The following CACNA1B variants were observed in gnomAD, a reference collection of about 807,000 sequenced individuals.
The protein encoded by CACNA1B is voltage-dependent N-type calcium channel subunit alpha-1B.
Under a neutral mutation model 247.2 loss-of-function variants are expected in CACNA1B, and 70 were observed. The observed-to-expected ratio is 0.28, with a 90% CI of 0.23 to 0.35. The LOEUF (loss-of-function observed/expected upper bound fraction) is 0.35, where lower values mean the gene tolerates loss of function less well. Ranked by LOEUF, CACNA1B falls within the 10% of genes least tolerant of loss-of-function variation. The pLI, the probability that CACNA1B is intolerant of heterozygous loss-of-function variation, is 1.00. For synonymous variants in CACNA1B, 1,231 were observed against 1,294.4 expected, an observed-to-expected ratio of 0.95 and a Z score of 1.05; for missense variants, 2,367 against 3,197.4, an observed-to-expected ratio of 0.74 and a Z score of 6.26.
At chr9:138,002,801 T>C (rs1437930882) in intron 15 of CACNA1B, among the ~76,000 whole-genome samples, 2 of 152,024 alleles carry the variant, frequency 1.3e-5, no homozygotes, top group African/African-American at 2.4e-5. Context: ...TTTTTTCTTT[T>C]CTTTTCTTTT....
chr9:137,901,772 C>T (rs1311732087), intron 3 of CACNA1B, among the ~76,000 whole-genome samples: 1 of 149,958 alleles, frequency 6.7e-6, no homozygotes, highest in Non-Finnish European at 1.5e-5. Context: ...TCACTGCAAC[C>T]TCAACCTCCA....
chr9:137,979,386 A>G (rs1360417128), intron 12 of CACNA1B, among the ~76,000 whole-genome samples: 4 of 152,148 alleles, frequency 2.6e-5, no homozygotes, highest in Non-Finnish European at 5.9e-5. Context: ...GAGTGTCCTC[A>G]GCTGTGGTCT....
chr9:137,960,416 GGAGGT>G (rs1958004302), intron 10 of CACNA1B, among the ~76,000 whole-genome samples: 1 of 10,438 alleles, frequency 9.6e-5, no homozygotes, highest in Admixed American at 1.1e-3. Flanking sequence ...GAGGGGGAGG[GGAGGT>G]CAGCCTGAGA....
At chr9:138,021,211 G>T (rs1005150374) in intron 18 of CACNA1B, among the ~76,000 whole-genome samples, 3 of 152,220 alleles carry the variant, frequency 2.0e-5, no homozygotes, top group African/African-American at 7.2e-5. Context: ...ACCCCTGGGA[G>T]CAGGGGCAGC....
chr9:138,088,059 T>C (rs1318539220), intron 36 of CACNA1B, among the ~76,000 whole-genome samples: 1 of 151,806 alleles, frequency 6.6e-6, no homozygotes, highest in South Asian at 2.1e-4. Context: ...GATGAAAACA[T>C]TACAAAAGAT....
At chr9:137,962,300 A>G (rs1298438386) in intron 10 of CACNA1B, among the ~76,000 whole-genome samples, 1 of 134,124 alleles carries the variant, frequency 7.5e-6, no homozygotes, top group Non-Finnish European at 1.6e-5. Flanking sequence ...CTAGTGGTCT[A>G]TCTATTTTAT....
chr9:138,024,113 T>G (rs987971128), intron 19 of CACNA1B, among the ~76,000 whole-genome samples: 1 of 152,172 alleles, frequency 6.6e-6, no homozygotes, highest in Non-Finnish European at 1.5e-5. Flanking sequence ...TAAGGGGGAA[T>G]TGTTGCGACT....
intron 20 of CACNA1B, among the ~76,000 whole-genome samples, chr9:138,031,507 C>T (rs571703944): frequency 4.7e-4 from 72 of 152,260 alleles, no homozygotes; most frequent in African/African-American, 1.7e-3. Context: ...TTCCTATAAG[C>T]ATTGTTTAGA....
chr9:138,049,460 C>T, intron 24 of CACNA1B, 145 bp downstream of exon 24: 3 of 674,186 alleles, frequency 4.4e-6, no homozygotes, highest in Non-Finnish European at 8.1e-6. Flanking sequence ...ACTGTCCCTG[C>T]CTGCTTGGGG....
chr9:138,107,168 C>A (rs1246947730), intron 39 of CACNA1B, among the ~76,000 whole-genome samples: 1 of 152,104 alleles, frequency 6.6e-6, no homozygotes, highest in Admixed American at 6.5e-5. Flanking sequence ...TCCCCCACAG[C>A]CTTCCCTATC....
chr9:137,900,921 T>A (rs1208457576), intron 3 of CACNA1B, among the ~76,000 whole-genome samples: 1 of 148,734 alleles, frequency 6.7e-6, no homozygotes, highest in Non-Finnish European at 1.5e-5. Flanking sequence ...TCTGTGTCTG[T>A]GCCATGGTGT....
Position 137,954,749 on chromosome 9 carries a change from C to T in CACNA1B, c.1071-949C>T, listed in dbSNP as rs1231410449. 6.6e-6 allele frequency among the ~76,000 whole-genome samples: 1 copy of T among 152,100 alleles called. No homozygotes were observed. Among genetic ancestry groups the T allele is most frequent in the Non-Finnish European group, 1.5e-5 (1 of 68,014 alleles). ...GTAGCAGCTCAGTGCCTAGCGGACACTGGCCCTGCGCCCAGGGTCAGTCAC... is the reference window on the plus strand; with the variant it reads ...GTAGCAGCTCAGTGCCTAGCGGACATTGGCCCTGCGCCCAGGGTCAGTCAC... On this transcript the variant is annotated intron_variant, in intron 7 of 46. Coordinates refer to ENST00000371372, the MANE Select transcript of CACNA1B (RefSeq NM_000718.4). This position sits in a 1 kb window ranked among gnomAD's most constrained non-coding sequence, Gnocchi z 4.1.
rs200896909 is a variant in CACNA1B at position 137,882,726 on chromosome 9, G to A, written c.391-18G>A. The A allele has an allele frequency of 1.0e-4, 163 of 1,613,690 alleles. No homozygotes were observed. Among genetic ancestry groups the A allele is most frequent in the Non-Finnish European group, 1.3e-4 (157 of 1,179,772 alleles). Reference sequence around the variant, plus strand: ...CGGGTAGGGGCCAGGGGTGACCACTGTTCTGCGCTTCTCCTAGGACGACAC... The same window carrying A: ...CGGGTAGGGGCCAGGGGTGACCACTATTCTGCGCTTCTCCTAGGACGACAC... On this transcript the variant is annotated intron_variant, in intron 2 of 46. Transcript: ENST00000371372. The surrounding 1 kb of genome is among the most constrained non-coding windows in gnomAD (Gnocchi z 4.0).
At chr9:137,965,573 T>TTTTATTTATTTATTTA (rs10586603) in intron 10 of CACNA1B, among the ~76,000 whole-genome samples, 27 of 148,522 alleles carry the variant, frequency 1.8e-4, no homozygotes, top group Admixed American at 9.4e-4. Flanking sequence ...TCCTACTTCA[T>TTTTATTTATTTATTTA]TTTATTTATT....
intron 32 of CACNA1B, among the ~76,000 whole-genome samples, chr9:138,070,568 G>A (rs1441906092): frequency 6.6e-6 from 1 of 152,246 alleles, no homozygotes; most frequent in Admixed American, 6.5e-5. Context: ...TTAATATAAA[G>A]TAGAAGATAT....
rs758151882 is a variant in CACNA1B at position 138,120,660 on chromosome 9, C to G, written c.6268C>G (p.Pro2090Ala). The G allele has an allele frequency of 1.3e-6, 2 of 1,505,610 alleles. No homozygotes were observed. The allele number at this position is 1,505,610 out of a possible 1,614,324, so 93.3% of individuals were successfully genotyped here. The change falls in exon 46 of 47, where the codon CCC becomes GCC. Residue 2090 changes from proline to alanine, a missense_variant. Physicochemically the swap from Pro to Ala is conservative, Grantham distance 27. This residue lies in a region of CACNA1B where 773 missense variants were observed against 779.4 expected (regional missense o/e 0.99). Coordinates refer to ENST00000371372, the MANE Select transcript of CACNA1B (RefSeq NM_000718.4). ...APSSAVGPGLPPGEGPTGCRR... is the reference protein window; with the variant it reads ...APSSAVGPGLAPGEGPTGCRR... ...AAGCAGTGCTGTGGGGCCGGGGCTGCCCCCGGGAGAGGGGCCTACAGGCTG... is the reference window on the plus strand; with the variant it reads ...AAGCAGTGCTGTGGGGCCGGGGCTGGCCCCGGGAGAGGGGCCTACAGGCTG...
At chr9:137,904,903 T>A (rs1457310050) in intron 3 of CACNA1B, among the ~76,000 whole-genome samples, 1 of 152,214 alleles carries the variant, frequency 6.6e-6, no homozygotes, top group Non-Finnish European at 1.5e-5. Flanking sequence ...TACTTCTTAT[T>A]TTGTTATCTG....
chr9:138,095,489 G>A (rs1444608047), intron 36 of CACNA1B, among the ~76,000 whole-genome samples: 1 of 152,188 alleles, frequency 6.6e-6, no homozygotes, highest in Non-Finnish European at 1.5e-5. Flanking sequence ...AGGATGTGGA[G>A]AAGGAGGAAC....
chr9:137,932,338 T>C (rs768677092), intron 6 of CACNA1B, among the ~76,000 whole-genome samples: 2 of 152,226 alleles, frequency 1.3e-5, no homozygotes, highest in Admixed American at 6.5e-5. Context: ...GAATTGGTTG[T>C]TGGGAGCTAC....
Sources: allele counts gnomAD v4.1 joint callset (sites outside exome capture counted in the v4.1 genomes callset), GRCh38; gene constraint gnomAD v4.1.1; regional missense constraint gnomAD v4.1.1; non-coding constraint Gnocchi (gnomAD v3.1); transcripts MANE v1.5; gene names NCBI Gene and HGNC (gene_info 2026-07-23, HGNC 2026-07-21).